Variants in MEI4 observed in about 807,000 individuals in gnomAD.
MEI4 encodes the protein meiosis-specific protein MEI4.
MEI4 carries 27 observed loss-of-function variants against 31.4 expected under a neutral mutation model. The ratio of observed to expected loss-of-function variants is 0.86; its 90% CI spans 0.63 to 1.19. The LOEUF (loss-of-function observed/expected upper bound fraction) is 1.19, where lower values mean the gene tolerates loss of function less well. MEI4 is among the 50% of genes most tolerant of loss of function. The pLI is 0.00. For missense variants in MEI4, 329 were observed against 398.9 expected (o/e 0.82, Z 1.49); for synonymous variants, 122 against 145.4 (o/e 0.84, Z 1.16).
intron 2 of MEI4, among the ~76,000 whole-genome samples, chr6:77,733,118 G>T (rs1767062061): frequency 1.3e-5 from 2 of 151,740 alleles, no homozygotes; most frequent in African/African-American, 4.9e-5. Flanking sequence ...CCAGGCTTTG[G>T]TATCAAGATG....
intron 3 of MEI4, among the ~76,000 whole-genome samples, chr6:77,778,784 A>T (rs1180767599): frequency 6.6e-6 from 1 of 152,076 alleles, no homozygotes; most frequent in East Asian, 1.9e-4. Context: ...GAATGTAAGG[A>T]TTTGACATGG....
chr6:77,783,515 G>A (rs1003229956), intron 3 of MEI4, among the ~76,000 whole-genome samples: 1 of 152,032 alleles, frequency 6.6e-6, no homozygotes, highest in African/African-American at 2.4e-5. Context: ...TCTTGGCTTT[G>A]TAAGTACTTG....
chr6:77,735,488 G>T, intron 2 of MEI4, among the ~76,000 whole-genome samples: 1 of 151,894 alleles, frequency 6.6e-6, no homozygotes, highest in Non-Finnish European at 1.5e-5. Flanking sequence ...GCTTCATCAG[G>T]TCCTTTAAGC....
At chr6:77,905,184 G>T (rs1229412677) in intron 4 of MEI4, among the ~76,000 whole-genome samples, 1 of 151,792 alleles carries the variant, frequency 6.6e-6, no homozygotes, top group Non-Finnish European at 1.5e-5. Context: ...GCAGTTTGCT[G>T]TTGTTGTTGT....
intron 2 of MEI4, among the ~76,000 whole-genome samples, chr6:77,698,631 A>G (rs1306109226): frequency 1.3e-5 from 2 of 152,230 alleles, no homozygotes; most frequent in Non-Finnish European, 2.9e-5. Flanking sequence ...TTCTGCTGAG[A>G]GATCCACTGG....
At chr6:77,804,058 C>G (rs1582165512) in intron 3 of MEI4, among the ~76,000 whole-genome samples, 1 of 152,198 alleles carries the variant, frequency 6.6e-6, no homozygotes, top group African/African-American at 2.4e-5. Flanking sequence ...TGGCTATGCC[C>G]TAGCCCCAGC....
intron 4 of MEI4, among the ~76,000 whole-genome samples, chr6:77,872,554 GTTTAT>G (rs1299274545): frequency 6.6e-6 from 1 of 151,804 alleles, no homozygotes; most frequent in African/African-American, 2.4e-5. Context: ...AAGGCAGGCA[GTTTAT>G]TTTTTTATTT....
At chr6:77,743,326 A>T (rs1767474152) in intron 2 of MEI4, among the ~76,000 whole-genome samples, 1 of 152,118 alleles carries the variant, frequency 6.6e-6, no homozygotes, top group Non-Finnish European at 1.5e-5. Context: ...CTCCTTGAAG[A>T]GGTCCTTCAC....
At chr6:77,787,335 A>G (rs1213829139) in intron 3 of MEI4, among the ~76,000 whole-genome samples, 2 of 152,134 alleles carry the variant, frequency 1.3e-5, no homozygotes, top group Non-Finnish European at 2.9e-5. Context: ...CCTTCAGTTT[A>G]TTTCCAGCCC....
intron 2 of MEI4, among the ~76,000 whole-genome samples, chr6:77,745,647 C>T (rs1170566838): frequency 6.6e-6 from 1 of 152,148 alleles, no homozygotes; most frequent in Non-Finnish European, 1.5e-5. Flanking sequence ...AACTCTCCAC[C>T]CCAAATCAAC....
At chr6:77,879,405 C>CTAAAT (rs1182542002) in intron 4 of MEI4, among the ~76,000 whole-genome samples, 1 of 152,106 alleles carries the variant, frequency 6.6e-6, no homozygotes, top group Non-Finnish European at 1.5e-5. Flanking sequence ...ACTTAAAATG[C>CTAAAT]TAAACCACAT....
chr6:77,702,291 A>G (rs1378116957), intron 2 of MEI4, among the ~76,000 whole-genome samples: 4 of 152,230 alleles, frequency 2.6e-5, no homozygotes, highest in Non-Finnish European at 4.4e-5. Flanking sequence ...CTCAGCATTT[A>G]TAAGTTGGGG....
At chr6:77,809,900 C>T (rs2127704470) in intron 3 of MEI4, among the ~76,000 whole-genome samples, 1 of 152,066 alleles carries the variant, frequency 6.6e-6, no homozygotes, top group Admixed American at 6.6e-5. Flanking sequence ...TTTTAATTTG[C>T]TAAGTCTAGC....
chr6:77,740,210 T>C (rs142378039), intron 2 of MEI4, among the ~76,000 whole-genome samples: 96 of 152,296 alleles, frequency 6.3e-4, no homozygotes, highest in African/African-American at 1.6e-3. Flanking sequence ...GAGGAGTTTT[T>C]TATGTTTGAT....
At position 77,767,980 on chromosome 6, in the gene MEI4, C is replaced by T. The variant is rs1768216630; in HGVS notation, c.768+6315C>T. Among the ~76,000 whole-genome samples the T allele has an allele frequency of 2.6e-5, 4 of 152,178 alleles. No homozygotes were observed. The South Asian group carries it at 8.3e-4, about 31-fold the overall frequency. On this transcript the variant is annotated intron_variant, in intron 3 of 4. Transcript: ENST00000684080. ...TAAATACCTCTTATTAAAATAATAGCAGTCTTCCTATTATGCTTTATAGTT... is the reference window on the plus strand; with the variant it reads ...TAAATACCTCTTATTAAAATAATAGTAGTCTTCCTATTATGCTTTATAGTT...
intron 4 of MEI4, among the ~76,000 whole-genome samples, chr6:77,887,799 G>A (rs746391798): frequency 3.3e-5 from 5 of 152,096 alleles, no homozygotes; most frequent in African/African-American, 1.2e-4. Context: ...TTCATTTGGT[G>A]TATTGCTCAG....
chr6:77,771,375 TGTG>T (rs1194968289), intron 3 of MEI4, among the ~76,000 whole-genome samples: 3 of 151,638 alleles, frequency 2.0e-5, no homozygotes, highest in East Asian at 1.9e-4. Context: ...TGGAAAGTAT[TGTG>T]GTGATTTTCT....
rs70974681 is a variant in MEI4, at chr6:77,686,875, C to CTTTTTTTTTTTTTTTTTTTTT, written c.-14-3774_-14-3773insTTTTTTTTTTTTTTTTTTTTT. On this transcript the variant is annotated intron_variant, in intron 1 of 4. Coordinates refer to ENST00000684080, the MANE Select transcript of MEI4 (RefSeq NM_001322247.2). ...TCTTGAATAGGAATGGTCTGTGGCT[C>CTTTTTTTTTTTTTTTTTTTTT]TTTTTTTTTGTAGATGTTTCATCAG... Among the ~76,000 whole-genome samples the CTTTTTTTTTTTTTTTTTTTTT allele has an allele frequency of 4.5e-4, 59 of 132,502 alleles. 1 individual carries two copies. Among genetic ancestry groups the CTTTTTTTTTTTTTTTTTTTTT allele is most frequent in the South Asian group, 1.7e-3 (7 of 4,012 alleles). The allele number at this position is 132,502 out of a possible 152,430, so 86.9% of individuals were successfully genotyped here. A position where few individuals can be genotyped will look rare whatever the true frequency, so the allele number is the denominator to read the frequency against.
At chr6:77,911,925 T>C (rs2127739117) in intron 4 of MEI4, among the ~76,000 whole-genome samples, 1 of 151,972 alleles carries the variant, frequency 6.6e-6, no homozygotes, top group African/African-American at 2.4e-5. Context: ...CCTGAAGTGT[T>C]TTCTCTGCTT....
Sources: gnomAD v4.1 joint callset for allele counts (sites outside exome capture counted in the v4.1 genomes callset) on GRCh38, gnomAD v4.1.1 for gene constraint, MANE v1.5 for transcripts, NCBI Gene and HGNC (gene_info 2026-07-23, HGNC 2026-07-21) for gene names.